HADHA: variants seen among roughly 807,000 people sequenced by gnomAD.
HADHA encodes the protein trifunctional enzyme subunit alpha, mitochondrial.
In HADHA, 59 loss-of-function variants were observed where a neutral mutation model predicts 91.3. The observed-to-expected ratio is 0.65, with a 90% CI of 0.52 to 0.80. The LOEUF is 0.80. Among genes scored for constraint, HADHA ranks in the 30% least tolerant of loss-of-function variants. HADHA has a pLI of 0.00. For synonymous variants in HADHA, 320 were observed against 338.9 expected (o/e 0.94, Z 0.61); for missense variants, 800 against 927.6 (o/e 0.86, Z 1.79).
At chr2:26,218,811 C>T (rs1166596667) in intron 7 of HADHA, among the ~76,000 whole-genome samples, 2 of 151,658 alleles carry the variant, frequency 1.3e-5, no homozygotes, top group Admixed American at 6.6e-5. Context: ...AGTTTGAGAC[C>T]AGCCTGGCCA....
At chr2:26,197,831 A>C in intron 13 of HADHA, 54 bp from the exon 14 acceptor site, 1 of 903,620 alleles carries the variant, frequency 1.1e-6, no homozygotes, top group East Asian at 2.4e-5. Context: ...AGATGATTAG[A>C]GGCCACATCA....
intron 9 of HADHA, among the ~76,000 whole-genome samples, chr2:26,213,982 C>T (rs1670160675): frequency 6.6e-6 from 1 of 152,200 alleles, no homozygotes; most frequent in Non-Finnish European, 1.5e-5. Context: ...TTTAATTATT[C>T]TCATTGATCT....
Position 26,191,525 on chromosome 2 carries a change from T to C in HADHA, c.2104A>G (p.Ile702Val), listed in dbSNP as rs202066629. Residue 702 changes from isoleucine (I) to valine (V), a missense_variant, in exon 19 of 20, where the codon ATC becomes GTC. Transcript: ENST00000380649. ...GILATPAEGD[I>V]GAVFGLGFPP... ...AAGCCAAGCCCAAAGACGGCTCCGATGTCTCCCTCTGCAGGTGTGGCCAAG... is the reference window on the plus strand; with the variant it reads ...AAGCCAAGCCCAAAGACGGCTCCGACGTCTCCCTCTGCAGGTGTGGCCAAG... The C allele has an allele frequency of 2.5e-6, 4 of 1,614,164 alleles. No individual in the cohort carries two copies. The East Asian group carries it at 8.9e-5, about 36-fold the overall frequency.
chr2:26,226,198 T>G (rs536298484), intron 7 of HADHA, among the ~76,000 whole-genome samples: 1 of 152,144 alleles, frequency 6.6e-6, no homozygotes, highest in African/African-American at 2.4e-5. Flanking sequence ...ACAGAGAACT[T>G]TACCATGTTC....
rs15216 is a variant in HADHA, at chr2:26,191,030, G to T, written c.*220C>A. 1.6e-6 allele frequency: 1 copy of T among 624,026 alleles called. No individual in the cohort carries two copies. Among genetic ancestry groups the T allele is most frequent in the Non-Finnish European group, 2.9e-6 (1 of 346,098 alleles). 38.7% of individuals were successfully genotyped at this position (624,026 alleles called of 1,614,324 possible). On this transcript the variant is annotated 3_prime_UTR_variant, in exon 20 of 20. Coordinates refer to ENST00000380649, the MANE Select transcript of HADHA (RefSeq NM_000182.5). ...GGCCTCGGGGCTTATACAATGAGCA[G>T]TGGGCTCTACCTTCCAACAGGAAGT...
In HADHA at chr2:26,212,405, C is replaced by T. The variant is rs1670122693; in HGVS notation, c.975+165G>A. 8 of 670,122 alleles carry T rather than the reference C, an allele frequency of 1.2e-5. No homozygotes were observed. The South Asian group carries it at 1.3e-4, about 11-fold the overall frequency. The allele number at this position is 670,122 out of a possible 1,614,324, so 41.5% of individuals were successfully genotyped here. A position where few individuals can be genotyped will look rare whatever the true frequency, so the allele number is the denominator to read the frequency against. On this transcript the variant is annotated intron_variant, in intron 10 of 19. Transcript: ENST00000380649. Reference sequence around the variant, plus strand: ...CCTGGCCCCATTAGGGTATTCTTAGCATCCACTTGCTCACTGAGATTAATC... The same window carrying T: ...CCTGGCCCCATTAGGGTATTCTTAGTATCCACTTGCTCACTGAGATTAATC...
intron 13 of HADHA, among the ~76,000 whole-genome samples, chr2:26,200,017 G>A (rs1395339218): frequency 2.6e-5 from 4 of 152,212 alleles, no homozygotes; most frequent in Admixed American, 2.6e-4. Flanking sequence ...AGTAGAACAC[G>A]GAGACATGAG....
chr2:26,212,363 A>C, intron 10 of HADHA: 1 of 574,284 alleles, frequency 1.7e-6, no homozygotes. Context: ...TTGGGATTAC[A>C]GGGGTAAACC....
intron 11 of HADHA, among the ~76,000 whole-genome samples, chr2:26,207,491 A>C (rs956944237): frequency 6.6e-6 from 1 of 152,172 alleles, no homozygotes; most frequent in Non-Finnish European, 1.5e-5. Context: ...TTAACACCAA[A>C]ATTTTCATGA....
intron 15 of HADHA, 76 bp downstream of exon 15, chr2:26,195,016 T>C: frequency 8.2e-7 from 1 of 1,217,810 alleles, no homozygotes; most frequent in Non-Finnish European, 1.2e-6. Flanking sequence ...AGAATATTTA[T>C]AAACAAGCCT....
intron 8 of HADHA, 33 bp downstream of exon 8, chr2:26,215,020 G>C: frequency 1.3e-6 from 2 of 1,573,842 alleles, no homozygotes; most frequent in Non-Finnish European, 1.7e-6. Flanking sequence ...CAGGAAAGAA[G>C]CTTTGCCTTT....
chr2:26,202,702 T>C (rs1245690713), intron 12 of HADHA, among the ~76,000 whole-genome samples: 4 of 152,214 alleles, frequency 2.6e-5, no homozygotes, highest in Admixed American at 1.3e-4. Context: ...GATTGCACCA[T>C]TGTGCTCTAG....
At chr2:26,197,547 A>G in intron 14 of HADHA, 144 bp downstream of exon 14, 2 of 692,842 alleles carry the variant, frequency 2.9e-6, no homozygotes, top group South Asian at 2.9e-5. Context: ...TAGTCATGGT[A>G]TTAGCATTTA....
At position 26,230,190 on chromosome 2, in the gene HADHA, A is replaced by G. The variant is rs772683361; in HGVS notation, c.676+2T>C. On this transcript the variant is annotated splice_donor_variant, in intron 7 of 19. Coordinates refer to ENST00000380649, the MANE Select transcript of HADHA (RefSeq NM_000182.5). LOFTEE classifies it high-confidence loss of function. ...CTGACTCTGAGATGTGCTAACACTT[A>G]CCCAGGGGTTCCACCAGTTGGTCAA... is the stretch of plus-strand genomic sequence containing the variant. 4 of 1,562,748 alleles carry G rather than the reference A, an allele frequency of 2.6e-6. No individual in the cohort carries two copies. In the South Asian group the frequency reaches 3.3e-5, roughly 13 times the overall value.
intron 3 of HADHA, 39 bp from the exon 4 acceptor site, chr2:26,237,027 T>G: frequency 6.7e-7 from 1 of 1,500,790 alleles, no homozygotes; most frequent in Non-Finnish European, 9.3e-7. Flanking sequence ...GGTTTAAATT[T>G]GAAGCACTGG....
chr2:26,224,206 T>C (rs1428315225), intron 7 of HADHA, among the ~76,000 whole-genome samples: 2 of 152,208 alleles, frequency 1.3e-5, no homozygotes, highest in African/African-American at 4.8e-5. Context: ...TACCATTCCA[T>C]GGGGAAAACG....
intron 9 of HADHA, among the ~76,000 whole-genome samples, chr2:26,213,976 A>C (rs1340283678): frequency 6.6e-6 from 1 of 152,198 alleles, no homozygotes; most frequent in Non-Finnish European, 1.5e-5. Context: ...GATCATTTTA[A>C]TTATTCTCAT....
At chr2:26,211,647 T>C (rs1670103886) in intron 10 of HADHA, among the ~76,000 whole-genome samples, 1 of 152,238 alleles carries the variant, frequency 6.6e-6, no homozygotes, top group South Asian at 2.1e-4. Context: ...ATCTGAAATG[T>C]TTCTAGTCCC....
chr2:26,242,760 T>G (rs537708946), intron 1 of HADHA, among the ~76,000 whole-genome samples: 5 of 152,298 alleles, frequency 3.3e-5, no homozygotes, highest in South Asian at 4.1e-4. Context: ...ACAATGTTTT[T>G]TTTGTTTGTT....
Sources: gnomAD v4.1 joint callset for allele counts (sites outside exome capture counted in the v4.1 genomes callset) on GRCh38, gnomAD v4.1.1 for gene constraint, MANE v1.5 for transcripts, NCBI Gene and HGNC (gene_info 2026-07-23, HGNC 2026-07-21) for gene names.